Variants in CYP24A1 observed in about 807,000 individuals in gnomAD.
The protein encoded by CYP24A1 is 1,25-dihydroxyvitamin D(3) 24-hydroxylase, mitochondrial.
CYP24A1 carries 68 observed loss-of-function variants against 62.4 expected under a neutral mutation model. The observed-to-expected ratio is 1.09, with a 90% CI of 0.90 to 1.33. CYP24A1 has a LOEUF of 1.33. Among genes scored for constraint, CYP24A1 ranks in the 40% most tolerant of loss-of-function variants. CYP24A1 has a pLI of 0.00. For synonymous variants in CYP24A1, 267 were observed against 253.0 expected (o/e 1.06, Z -0.52); for missense variants, 787 against 653.0 (o/e 1.21, Z -2.24).
chr20:54,147,624 A>G, the CYP24A1 span, among the ~76,000 whole-genome samples: 1 of 152,214 alleles, frequency 6.6e-6, no homozygotes, highest in Non-Finnish European at 1.5e-5. Flanking sequence ...CCTGCTATTT[A>G]CTGAGAATTC....
chr20:54,148,965 T>C (rs2146448008), downstream of CYP24A1, among the ~76,000 whole-genome samples: 1 of 152,308 alleles, frequency 6.6e-6, no homozygotes, highest in East Asian at 1.9e-4. Context: ...CAAGTTTATA[T>C]GCATTTCTGT....
rs1328311969 is a variant in CYP24A1 at position 54,173,510 on chromosome 20, G to A, written c.70C>T (p.Pro24Ser). Residue 24 changes from proline (P) to serine (S), a missense_variant, in exon 1 of 12, where the codon CCC becomes TCC. Transcript: ENST00000216862. The surrounding 1 kb of genome is among the most constrained non-coding windows in gnomAD (Gnocchi z 7.2). ...FLQQLRSPRQ[P>S]PRLVTSTAYT... ...GCCGTAGATGTCACCAGTCTCGGGG[G>A]CTGCCTCGGACTGCGCAGCTGCTGC... 3.2e-6 allele frequency: 5 copies of A among 1,567,722 alleles called. No individual in the cohort carries two copies. The highest frequency in any genetic ancestry group is 2.3e-5 in the East Asian group (1 of 42,674).
intron 8 of CYP24A1, 72 bp from the exon 9 acceptor site, chr20:54,158,236 A>AGATT (rs1223041223): frequency 6.3e-7 from 1 of 1,599,878 alleles, no homozygotes; most frequent in South Asian, 1.1e-5. Flanking sequence ...ATGGGAATGC[A>AGATT]GATTGGATTA....
Position 54,172,166 on chromosome 20 carries a change from G to A in CYP24A1, c.450-496C>T, listed in dbSNP as rs548766690. Reference sequence around the variant, plus strand: ...AACATACAGTCAGAGAGTCACTGGAGTAATAAAAAGCCTTTTGCGATCGTG... The same window carrying A: ...AACATACAGTCAGAGAGTCACTGGAATAATAAAAAGCCTTTTGCGATCGTG... On this transcript the variant is annotated intron_variant, in intron 2 of 11. Coordinates refer to ENST00000216862, the MANE Select transcript of CYP24A1 (RefSeq NM_000782.5). 3.9e-5 allele frequency among the ~76,000 whole-genome samples: 6 copies of A among 152,288 alleles called. No individual in the cohort carries two copies. In the South Asian group the frequency reaches 1.2e-3, roughly 32 times the overall value.
intron 2 of CYP24A1, 143 bp downstream of exon 2, chr20:54,172,766 G>C: frequency 6.6e-7 from 1 of 1,523,476 alleles, no homozygotes. Flanking sequence ...GGTTGCGATG[G>C]CACGGGAGAG....
chr20:54,169,108 A>G lies in CYP24A1; in HGVS notation c.640+484T>C, dbSNP rs986229291. On this transcript the variant is annotated intron_variant, in intron 4 of 11. Coordinates refer to ENST00000216862, the MANE Select transcript of CYP24A1 (RefSeq NM_000782.5). ...AGACAAGGTTTTGCTGTGTTGCCCA[A>G]GCTGTTCTCAGATTCCTGGGCTGGC... 2.0e-5 allele frequency among the ~76,000 whole-genome samples: 3 copies of G among 151,618 alleles called. No individual in the cohort carries two copies. The East Asian group carries it at 5.8e-4, about 29-fold the overall frequency.
chr20:54,173,567 T>A lies in CYP24A1; in HGVS notation c.13A>T (p.Ile5Phe). Residue 5 changes from isoleucine to phenylalanine, a missense_variant, in exon 1 of 12, where the codon ATC becomes TTC. Transcript: ENST00000216862. This position sits in a 1 kb window ranked among gnomAD's most constrained non-coding sequence, Gnocchi z 7.2. MSSP[I>F]SKSRSLAAFL... ...GCGGCAAGCGAGCGGCTCTTGCTGA[T>A]GGGGGAGCTCATGGCAGCGGGGGAC... 2 of 1,577,718 alleles carry A rather than the reference T, an allele frequency of 1.3e-6. No individual in the cohort carries two copies. The highest frequency in any genetic ancestry group is 1.7e-6 in the Non-Finnish European group (2 of 1,167,112).
chr20:54,158,464 C>T (rs541205136), intron 8 of CYP24A1, among the ~76,000 whole-genome samples: 3 of 152,258 alleles, frequency 2.0e-5, no homozygotes, highest in African/African-American at 4.8e-5. Context: ...GCCCTTGAAG[C>T]GTGATGTTTG....
chr20:54,150,783 A>ATC (rs2092611380), downstream of CYP24A1, among the ~76,000 whole-genome samples: 3 of 152,252 alleles, frequency 2.0e-5, no homozygotes, highest in African/African-American at 7.2e-5. Flanking sequence ...TCTCATGAAG[A>ATC]TCAGAAAATT....
Position 54,172,829 on chromosome 20 carries a change from C to T in CYP24A1, c.449+80G>A. The T allele has an allele frequency of 2.5e-6, 4 of 1,605,566 alleles. No homozygotes were observed. The South Asian group carries it at 3.3e-5, about 13-fold the overall frequency. ...AGCTTCCAACCCCAGGGAACTCTAA[C>T]TCCGCCTCTTCACAATTTCCAGGCG... On this transcript the variant is annotated intron_variant, in intron 2 of 11. Coordinates refer to ENST00000216862, the MANE Select transcript of CYP24A1 (RefSeq NM_000782.5).
In CYP24A1 at chr20:54,157,209, C is replaced by T; in HGVS notation, c.1515G>A (p.Arg505=). Residue 505 remains arginine (R), a synonymous_variant, in exon 11 of 12, where the codon CGG becomes CGA. Coordinates refer to ENST00000216862, the MANE Select transcript of CYP24A1 (RefSeq NM_000782.5). The stretch of plus-strand genomic sequence containing the variant: ...GCTGGCAAAACGCGATGGGGAGTTC[C>T]CGGCTGGGCACCAGGGTGCCTGAGT... ...MLHSGTLVPS[R]ELPIAFCQR is the part of the protein sequence containing the mutation. 1 of 1,611,490 alleles carries T rather than the reference C, an allele frequency of 6.2e-7. No individual in the cohort carries two copies. The highest frequency in any genetic ancestry group is 8.5e-7 in the Non-Finnish European group (1 of 1,177,726).
chr20:54,159,397 G>GT lies in CYP24A1; in HGVS notation c.991-275dup, dbSNP rs10689729. On this transcript the variant is annotated intron_variant, in intron 7 of 11. Coordinates refer to ENST00000216862, the MANE Select transcript of CYP24A1 (RefSeq NM_000782.5). ...AGCTGCTTTAGAACATTTAAATACAGTTTTTTTTTTTTTTTGAGATGGAGT... is the reference window on the plus strand; with the variant it reads ...AGCTGCTTTAGAACATTTAAATACAGTTTTTTTTTTTTTTTTGAGATGGAGT... Among the ~76,000 whole-genome samples the GT allele has an allele frequency of 0.17, 23,372 of 139,910 alleles. 2,086 individuals are homozygous for GT. The highest frequency in any genetic ancestry group is 0.18 in the Non-Finnish European group (11,990 of 64,916). 91.8% of individuals were successfully genotyped at this position (139,910 alleles called of 152,430 possible). A position where few individuals can be genotyped will look rare whatever the true frequency, so the allele number is the denominator to read the frequency against.
Position 54,164,486 on chromosome 20 carries a change from G to A in CYP24A1, c.810C>T (p.Asp270=), listed in dbSNP as rs781564921. ...AAATGGTGTCCCAGGCCAGAGTGTG[G>A]TCCTGCCAGACCTTGGTGTTGAGGC... ...HKSLNTKVWQ[D]HTLAWDTIFK... The change falls in exon 6 of 12, where the codon GAC becomes GAT. Residue 270 remains aspartate (D), a synonymous_variant. Coordinates refer to ENST00000216862, the MANE Select transcript of CYP24A1 (RefSeq NM_000782.5). The A allele has an allele frequency of 6.2e-7, 1 of 1,614,150 alleles. No homozygotes were observed. Among genetic ancestry groups the A allele is most frequent in the South Asian group, 1.1e-5 (1 of 91,082 alleles).
At chr20:54,146,556 G>C in the CYP24A1 span, among the ~76,000 whole-genome samples, 1 of 152,180 alleles carries the variant, frequency 6.6e-6, no homozygotes, top group African/African-American at 2.4e-5. Flanking sequence ...AAATGCAGAT[G>C]AAAAAGCAAA....
intron 4 of CYP24A1, among the ~76,000 whole-genome samples, chr20:54,168,702 TTTC>T (rs2092681169): frequency 6.6e-6 from 1 of 152,016 alleles, no homozygotes; most frequent in Non-Finnish European, 1.5e-5. Flanking sequence ...CTTTATTTCT[TTTC>T]TTTTTTCTTT....
chr20:54,167,056 A>T (rs2092674793), intron 4 of CYP24A1, among the ~76,000 whole-genome samples: 1 of 152,074 alleles, frequency 6.6e-6, no homozygotes, highest in Non-Finnish European at 1.5e-5. Context: ...ATTATACAGG[A>T]TTACTGCAAC....
At chr20:54,163,443 A>G (rs1255193640) in intron 6 of CYP24A1, among the ~76,000 whole-genome samples, 2 of 152,360 alleles carry the variant, frequency 1.3e-5, no homozygotes. Context: ...CACCAGGCTC[A>G]TTATATGGTA....
the CYP24A1 span, among the ~76,000 whole-genome samples, chr20:54,143,723 G>GT: frequency 1.6e-4 from 23 of 145,924 alleles, no homozygotes; most frequent in Non-Finnish European, 1.4e-4. Context: ...GAAAATAGAA[G>GT]TAAAAAAAAA....
At chr20:54,147,982 C>G in the CYP24A1 span, among the ~76,000 whole-genome samples, 6 of 151,968 alleles carry the variant, frequency 3.9e-5, no homozygotes, top group Admixed American at 3.9e-4. Flanking sequence ...TACAGGCACA[C>G]ACCACCATGT....
Sources: gnomAD v4.1 joint callset for allele counts (sites outside exome capture counted in the v4.1 genomes callset) on GRCh38, gnomAD v4.1.1 for gene constraint, Gnocchi (gnomAD v3.1) non-coding constraint, MANE v1.5 for transcripts, NCBI Gene and HGNC (gene_info 2026-07-23, HGNC 2026-07-21) for gene names.